The following EYS variants were observed in gnomAD, a reference collection of about 807,000 sequenced individuals.
EYS encodes the protein EGF-like photoreceptor maintenance factor.
Under a neutral mutation model 282.1 loss-of-function variants are expected in EYS, and 250 were observed. That is an observed-to-expected ratio of 0.89 (90% CI 0.80 to 0.98). EYS has a LOEUF of 0.98. EYS is among the 50% of genes least tolerant of loss of function. The probability of loss-of-function intolerance (pLI) is 0.00; values close to 1 mark genes in which losing one functional copy is unlikely to be tolerated. For missense variants in EYS, 4,016 were observed against 3,709.0 expected, an observed-to-expected ratio of 1.08 and a Z score of -2.15; for synonymous variants, 1,355 against 1,282.9, an observed-to-expected ratio of 1.06 and a Z score of -1.20.
chr6:65,536,238 C>T (rs1046230667), intron 2 of EYS, among the ~76,000 whole-genome samples: 4 of 151,084 alleles, frequency 2.6e-5, no homozygotes, highest in Admixed American at 6.6e-5. Flanking sequence ...AAAATAGCAC[C>T]GAGACCTGAG....
intron 42 of EYS, among the ~76,000 whole-genome samples, chr6:63,725,294 AGTGT>A (rs1413584409): frequency 2.0e-5 from 3 of 152,020 alleles, no homozygotes; most frequent in African/African-American, 7.2e-5. Context: ...TATGTGTATT[AGTGT>A]GTATGAGCTT....
At chr6:65,189,400 T>C (rs1176089446) in intron 12 of EYS, among the ~76,000 whole-genome samples, 1 of 151,686 alleles carries the variant, frequency 6.6e-6, no homozygotes, top group Admixed American at 6.6e-5. Flanking sequence ...ATAAAAGAAA[T>C]AAGAGCAGCC....
intron 31 of EYS, among the ~76,000 whole-genome samples, chr6:64,222,686 G>C (rs1419163798): frequency 3.3e-5 from 5 of 151,864 alleles, no homozygotes; most frequent in Admixed American, 3.3e-4. Flanking sequence ...TATTAATTTA[G>C]TTATCTGAAA....
intron 2 of EYS, among the ~76,000 whole-genome samples, chr6:65,602,865 G>A (rs1765659660): frequency 6.6e-6 from 1 of 151,942 alleles, no homozygotes; most frequent in Non-Finnish European, 1.5e-5. Flanking sequence ...GTTTGCCTAA[G>A]ACAGTTTTAA....
intron 15 of EYS, among the ~76,000 whole-genome samples, chr6:64,940,593 T>C (rs191200498): frequency 1.6e-4 from 24 of 152,202 alleles, no homozygotes; most frequent in Non-Finnish European, 2.9e-4. Context: ...AACTTACTAA[T>C]TGCTAATGTC....
chr6:65,344,722 G>T (rs1228936685), intron 9 of EYS, among the ~76,000 whole-genome samples: 1 of 151,536 alleles, frequency 6.6e-6, no homozygotes, highest in East Asian at 1.9e-4. Flanking sequence ...ATTAGGGGAT[G>T]AGAGATTTTG....
chr6:63,793,078 G>C (rs900523133), intron 37 of EYS, among the ~76,000 whole-genome samples: 12 of 152,188 alleles, frequency 7.9e-5, no homozygotes, highest in Non-Finnish European at 1.2e-4. Flanking sequence ...GGATCTGACA[G>C]CCCCAAGAGG....
intron 31 of EYS, among the ~76,000 whole-genome samples, chr6:64,189,697 G>GA (rs1369873535): frequency 1.2e-4 from 18 of 150,236 alleles, no homozygotes; most frequent in East Asian, 7.8e-4. Context: ...AGGTTTTCTG[G>GA]AAAAAAAAAA....
intron 12 of EYS, among the ~76,000 whole-genome samples, chr6:65,226,182 T>C (rs1268504858): frequency 6.6e-6 from 1 of 152,078 alleles, no homozygotes; most frequent in Non-Finnish European, 1.5e-5. Context: ...GTAGAATACA[T>C]ATCAACACAC....
At chr6:64,168,903 A>G (rs939482494) in intron 31 of EYS, among the ~76,000 whole-genome samples, 1 of 152,214 alleles carries the variant, frequency 6.6e-6, no homozygotes, top group African/African-American at 2.4e-5. Context: ...ACTGCTGTTA[A>G]AAAAGCAAAT....
Position 64,912,706 on chromosome 6 carries a change from T to C in EYS, c.2419A>G (p.Ser807Gly), listed in dbSNP as rs758164180. ...CTSGWTGQNC[S>G]EEINECDSDP... ...GAGTCGCATTCATTTATTTCTTCAC[T>C]ACAGTTCTGTCCAGTCCATCCAGAT... is the stretch of plus-strand genomic sequence containing the variant. The change falls in exon 16 of 43, where the codon AGT (serine) becomes GGT (glycine). Residue 807 changes from serine to glycine, a missense_variant. Ser to Gly is a moderately conservative substitution (Grantham distance 56). Coordinates refer to ENST00000503581, the MANE Select transcript of EYS (RefSeq NM_001142800.2). 6.6e-7 allele frequency: 1 copy of C among 1,503,908 alleles called. No homozygotes were observed. 93.2% of individuals were successfully genotyped at this position (1,503,908 alleles called of 1,614,324 possible).
chr6:64,722,019 A>G (rs1002260198), intron 22 of EYS, among the ~76,000 whole-genome samples: 4 of 152,202 alleles, frequency 2.6e-5, no homozygotes, highest in Non-Finnish European at 5.9e-5. Context: ...TCATGGATTT[A>G]GAGAGAAGCT....
At chr6:64,546,775 C>T (rs1764887599) in intron 26 of EYS, among the ~76,000 whole-genome samples, 1 of 152,144 alleles carries the variant, frequency 6.6e-6, no homozygotes, top group African/African-American at 2.4e-5. Flanking sequence ...TGAAAAAATG[C>T]TCATCATCAC....
chr6:64,327,769 G>A (rs1030721414), intron 29 of EYS, among the ~76,000 whole-genome samples: 9 of 152,280 alleles, frequency 5.9e-5, no homozygotes, highest in African/African-American at 2.2e-4. Flanking sequence ...GGCCCCACCT[G>A]AAGAGTTAGA....
chr6:64,921,154 C>T (rs1221075732), intron 15 of EYS, among the ~76,000 whole-genome samples: 1 of 152,086 alleles, frequency 6.6e-6, no homozygotes, highest in African/African-American at 2.4e-5. Flanking sequence ...ACTCTAATTA[C>T]TAATCACACA....
chr6:64,379,286 T>C (rs1369591630), intron 29 of EYS, among the ~76,000 whole-genome samples: 1 of 152,158 alleles, frequency 6.6e-6, no homozygotes. Flanking sequence ...TTTATTTTAC[T>C]TGCTGTTGAG....
intron 35 of EYS, among the ~76,000 whole-genome samples, chr6:63,943,007 T>A (rs1425458634): frequency 6.6e-6 from 1 of 152,228 alleles, no homozygotes; most frequent in African/African-American, 2.4e-5. Flanking sequence ...CAGTATATAA[T>A]GTATATAACA....
chr6:64,948,522 T>C (rs910593757), intron 14 of EYS, among the ~76,000 whole-genome samples: 1 of 146,588 alleles, frequency 6.8e-6, no homozygotes, highest in African/African-American at 2.5e-5. Flanking sequence ...ATAGAAATTA[T>C]ATTCCACTAG....
chr6:65,505,699 C>G (rs943695024), intron 2 of EYS, among the ~76,000 whole-genome samples: 1 of 151,984 alleles, frequency 6.6e-6, no homozygotes, highest in African/African-American at 2.4e-5. Flanking sequence ...TTTGACATTT[C>G]TTCAACTATC....
Sources: gnomAD v4.1 joint callset for allele counts (sites outside exome capture counted in the v4.1 genomes callset) on GRCh38, gnomAD v4.1.1 for gene constraint, MANE v1.5 for transcripts, NCBI Gene and HGNC (gene_info 2026-07-23, HGNC 2026-07-21) for gene names.